The following LIMCH1 variants were observed in gnomAD, a reference collection of about 807,000 sequenced individuals.
The protein encoded by LIMCH1 is LIM and calponin homology domains 1.
A neutral mutation model predicts 176.5 loss-of-function variants in LIMCH1; 113 were observed. The observed-to-expected ratio is 0.64, with a 90% CI of 0.55 to 0.75. LIMCH1 has a LOEUF of 0.75. LIMCH1 is among the 30% of genes least tolerant of loss of function. The pLI is 0.00. For missense variants in LIMCH1, 1,674 were observed against 1,814.9 expected (o/e 0.92, Z 1.41); for synonymous variants, 619 against 645.9 (o/e 0.96, Z 0.63).
chr4:41,529,172 T>C (rs750438183), intron 3 of LIMCH1, among the ~76,000 whole-genome samples: 5 of 152,220 alleles, frequency 3.3e-5, no homozygotes, highest in African/African-American at 1.2e-4. Context: ...TCGAGCCACA[T>C]CTTGAAACTC....
chr4:41,470,799 C>T (rs1324582020), intron 1 of LIMCH1, among the ~76,000 whole-genome samples: 4 of 151,986 alleles, frequency 2.6e-5, no homozygotes, highest in African/African-American at 9.7e-5. Context: ...ACACTCCATG[C>T]GTGATTTCAT....
chr4:41,493,605 A>G (rs2071498925), intron 1 of LIMCH1, among the ~76,000 whole-genome samples: 2 of 152,202 alleles, frequency 1.3e-5, no homozygotes, highest in Admixed American at 1.3e-4. Flanking sequence ...TGCAAATACT[A>G]CACATTTTTT....
intron 26 of LIMCH1, among the ~76,000 whole-genome samples, chr4:41,682,675 C>CTTTTTTTTTTTTTTTTTTTT (rs200784058): frequency 1.4e-5 from 2 of 142,382 alleles, no homozygotes; most frequent in African/African-American, 5.3e-5. Context: ...TTTTCTTCTT[C>CTTTTTTTTTTTTTTTTTTTT]TTCTTTTTTT....
At chr4:41,364,714 C>T (rs530228216) in intron 1 of LIMCH1, among the ~76,000 whole-genome samples, 1 of 152,314 alleles carries the variant, frequency 6.6e-6, no homozygotes, top group East Asian at 1.9e-4. Flanking sequence ...GCAGAATGCT[C>T]AATGCCTCTC....
chr4:41,635,286 T>C (rs1295039599), intron 13 of LIMCH1, among the ~76,000 whole-genome samples: 3 of 151,134 alleles, frequency 2.0e-5, no homozygotes, highest in South Asian at 2.1e-4. Context: ...CAGACTGGAG[T>C]GCAGGGCCCG....
At chr4:41,538,038 A>G (rs1008420537), upstream of LIMCH1, 10 of 351,058 alleles carry the variant, frequency 2.8e-5, no homozygotes, top group South Asian at 2.3e-4. Flanking sequence ...CACAATTCCA[A>G]TCCTGGCATC....
chr4:41,532,216 A>G (rs962838354), intron 3 of LIMCH1, among the ~76,000 whole-genome samples: 8 of 152,288 alleles, frequency 5.3e-5, no homozygotes, highest in African/African-American at 9.6e-5. Context: ...CCTGCATTCA[A>G]TTGAAAGGTG....
intron 1 of LIMCH1, among the ~76,000 whole-genome samples, chr4:41,451,415 C>T (rs1371919629): frequency 6.6e-6 from 1 of 152,100 alleles, no homozygotes; most frequent in Non-Finnish European, 1.5e-5. Flanking sequence ...CATGAGCCAC[C>T]GTGCCCGGCC....
intron 20 of LIMCH1, among the ~76,000 whole-genome samples, chr4:41,664,365 G>T (rs1250561528): frequency 6.6e-6 from 1 of 152,218 alleles, no homozygotes; most frequent in Non-Finnish European, 1.5e-5. Context: ...TGAACATGAT[G>T]CACTCCCTGG....
chr4:41,386,789 G>T (rs1481719536), intron 1 of LIMCH1, among the ~76,000 whole-genome samples: 4 of 152,190 alleles, frequency 2.6e-5, no homozygotes, highest in Non-Finnish European at 5.9e-5. Context: ...ATGTATCTAA[G>T]GGACAGCCTA....
Position 41,660,837 on chromosome 4 carries a change from G to C in LIMCH1, c.3037-583G>C, listed in dbSNP as rs1053377627. On this transcript the variant is annotated intron_variant, in intron 18 of 31. Coordinates refer to ENST00000503057, the MANE Select transcript of LIMCH1 (RefSeq NM_001330672.2). ...AACAGGGTCCAGTTGAAATCTTTCA[G>C]AATGACCCATATTTTGATGAAAAGG... Among the ~76,000 whole-genome samples the C allele has an allele frequency of 2.6e-5, 4 of 152,188 alleles. No individual in the cohort carries two copies. In the East Asian group the frequency reaches 5.8e-4, roughly 22 times the overall value.
chr4:41,451,011 C>G (rs1266968998), intron 1 of LIMCH1, among the ~76,000 whole-genome samples: 2 of 152,064 alleles, frequency 1.3e-5, no homozygotes, highest in Non-Finnish European at 2.9e-5. Flanking sequence ...CTCATTACCA[C>G]CAAGGTCTCC....
At chr4:41,500,805 G>C (rs2073130255) in intron 2 of LIMCH1, among the ~76,000 whole-genome samples, 1 of 152,162 alleles carries the variant, frequency 6.6e-6, no homozygotes, top group Non-Finnish European at 1.5e-5. Context: ...AGTCCCACTT[G>C]GGTTAAGAAG....
Position 41,698,616 on chromosome 4 carries a change from G to T in LIMCH1, c.*1431G>T, listed in dbSNP as rs1019574296. ...ACTATGGATACACTCCTAATAGATTGATGTAGTCATAAAAGGGGGTCAAGT... is the reference window on the plus strand; with the variant it reads ...ACTATGGATACACTCCTAATAGATTTATGTAGTCATAAAAGGGGGTCAAGT... On this transcript the variant is annotated 3_prime_UTR_variant, in exon 32 of 32. Transcript: ENST00000503057. 3.9e-5 allele frequency: 6 copies of T among 152,586 alleles called. No homozygotes were observed. The highest frequency in any genetic ancestry group is 1.4e-4 in the African/African-American group (6 of 41,424). The allele number at this position is 152,586 out of a possible 1,614,324, so 9.5% of individuals were successfully genotyped here. A position where few individuals can be genotyped will look rare whatever the true frequency, so the allele number is the denominator to read the frequency against.
At chr4:41,391,385 G>T (rs571922412) in intron 1 of LIMCH1, among the ~76,000 whole-genome samples, 1 of 152,266 alleles carries the variant, frequency 6.6e-6, no homozygotes, top group African/African-American at 2.4e-5. Context: ...TAAAGTAGAG[G>T]TGGATTTTTG....
intron 2 of LIMCH1, among the ~76,000 whole-genome samples, chr4:41,508,417 C>T (rs7680872): frequency 0.49 from 74,510 of 151,978 alleles, 22,810 homozygotes; most frequent in African/African-American, 0.87. Flanking sequence ...AGGATGAGTT[C>T]GGGATATGGA....
rs1585679282 is a variant in LIMCH1 at position 41,671,555 on chromosome 4, G to A, written c.3399G>A (p.Val1133=). The A allele has an allele frequency of 2.5e-6, 4 of 1,603,692 alleles. No homozygotes were observed. The highest frequency in any genetic ancestry group is 3.4e-6 in the Non-Finnish European group (4 of 1,171,274). ...QLHLPNLNSQ[V]DSPSSEKSPV... ...TTTCTTTCTTTTTTTTCTGTGCAGT[G>A]GATTCTCCAAGCAGTGAGAAGTCAC... The change falls in exon 22 of 32, where the codon GTG becomes GTA. Residue 1133 remains valine (V), a splice_region_variant and synonymous_variant. Coordinates refer to ENST00000503057, the MANE Select transcript of LIMCH1 (RefSeq NM_001330672.2).
At chr4:41,629,467 G>T (rs1390388208) in intron 8 of LIMCH1, 25 bp from the exon 9 acceptor site, 3 of 1,534,342 alleles carry the variant, frequency 2.0e-6, no homozygotes, top group Non-Finnish European at 2.6e-6. Flanking sequence ...TTCCATTGGT[G>T]TGGGGGCCCG....
chr4:41,433,573 A>G (rs774459049), intron 1 of LIMCH1, among the ~76,000 whole-genome samples: 11 of 151,650 alleles, frequency 7.3e-5, no homozygotes, highest in Non-Finnish European at 1.3e-4. Context: ...TGGCCTTTCT[A>G]CCTGGCAGGT....
Sources: gnomAD v4.1 joint callset for allele counts (sites outside exome capture counted in the v4.1 genomes callset) on GRCh38, gnomAD v4.1.1 for gene constraint, MANE v1.5 for transcripts, NCBI Gene and HGNC (gene_info 2026-07-23, HGNC 2026-07-21) for gene names.